The following TMEM156 variants were observed in gnomAD, a reference collection of about 807,000 sequenced individuals.
TMEM156 encodes the protein transmembrane protein 156.
A neutral mutation model predicts 30.5 loss-of-function variants in TMEM156; 28 were observed. That is an observed-to-expected ratio of 0.92 (90% CI 0.68 to 1.26). The LOEUF is 1.26. Ranked by LOEUF, TMEM156 falls within the 50% of genes most tolerant of loss-of-function variation. The pLI is 0.00. For missense variants in TMEM156, 351 were observed against 340.6 expected, an observed-to-expected ratio of 1.03 and a Z score of -0.24; for synonymous variants, 137 against 119.9, an observed-to-expected ratio of 1.14 and a Z score of -0.93.
At chr4:38,973,132 T>A (rs1174968675) in intron 5 of TMEM156, among the ~76,000 whole-genome samples, 1 of 152,208 alleles carries the variant, frequency 6.6e-6, no homozygotes, top group Non-Finnish European at 1.5e-5. Context: ...AAACGATTAT[T>A]CAGTCATCCC....
At chr4:38,989,295 C>A (rs1033657423) in intron 3 of TMEM156, among the ~76,000 whole-genome samples, 2 of 152,152 alleles carry the variant, frequency 1.3e-5, no homozygotes, top group African/African-American at 2.4e-5. Flanking sequence ...ATAGCAATCC[C>A]AGAATCAGAA....
intron 3 of TMEM156, among the ~76,000 whole-genome samples, chr4:38,992,676 A>T (rs4974977): frequency 1.3e-3 from 66 of 49,704 alleles, no homozygotes; most frequent in African/African-American, 3.8e-3. Context: ...ATATATATAT[A>T]ATATATTATA....
In TMEM156 at chr4:38,988,973, G is replaced by A; in HGVS notation, c.620-3C>T. ...GATCTTCATGGAACAAGTGATATCTGTAAAGAAAACAAATACTGTAAAAAC... is the reference window on the plus strand; with the variant it reads ...GATCTTCATGGAACAAGTGATATCTATAAAGAAAACAAATACTGTAAAAAC... On this transcript the variant is annotated splice_polypyrimidine_tract_variant and splice_region_variant and intron_variant, in intron 3 of 6. Coordinates refer to ENST00000381938, the MANE Select transcript of TMEM156 (RefSeq NM_024943.3). 6.2e-7 allele frequency: 1 copy of A among 1,608,096 alleles called. No individual in the cohort carries two copies. The highest frequency in any genetic ancestry group is 8.5e-7 in the Non-Finnish European group (1 of 1,176,838).
chr4:38,996,847 G>A lies in TMEM156; in HGVS notation c.358+1793C>T, dbSNP rs957411187. Among the ~76,000 whole-genome samples the A allele has an allele frequency of 5.9e-5, 9 of 152,074 alleles. 1 individual carries two copies. ...CACAACAGCCAAGAATAGAAACAACGTCAATGTCCATTGATAAATGAGTAG... is the reference window on the plus strand; with the variant it reads ...CACAACAGCCAAGAATAGAAACAACATCAATGTCCATTGATAAATGAGTAG... On this transcript the variant is annotated intron_variant, in intron 2 of 6. Coordinates refer to ENST00000381938, the MANE Select transcript of TMEM156 (RefSeq NM_024943.3).
chr4:39,028,776 T>A lies in TMEM156; in HGVS notation c.88+3450A>T, dbSNP rs369187633. ...GAATCAAAATATATCCACCACTCCC[T>A]TTTGTATCTCCATTATCTACATGTA... is the stretch of plus-strand genomic sequence containing the variant. On this transcript the variant is annotated intron_variant, in intron 1 of 6. Transcript: ENST00000381938. Among the ~76,000 whole-genome samples, 5 of 152,336 alleles carry A rather than the reference T, an allele frequency of 3.3e-5. No homozygotes were observed. In the South Asian group the frequency reaches 1.0e-3, roughly 32 times the overall value.
chr4:39,002,248 G>T (rs1419135455), intron 1 of TMEM156, among the ~76,000 whole-genome samples: 9 of 151,950 alleles, frequency 5.9e-5, no homozygotes, highest in Non-Finnish European at 8.8e-5. Flanking sequence ...CTTCTCAAAA[G>T]AAGACATTTA....
intron 1 of TMEM156, among the ~76,000 whole-genome samples, chr4:39,004,870 C>T (rs1347586764): frequency 6.6e-6 from 1 of 152,088 alleles, no homozygotes; most frequent in African/African-American, 2.4e-5. Flanking sequence ...AAAAATTCCA[C>T]TCCTAGAAAT....
At chr4:39,024,774 C>T (rs1715093004) in intron 1 of TMEM156, among the ~76,000 whole-genome samples, 1 of 152,160 alleles carries the variant, frequency 6.6e-6, no homozygotes, top group Admixed American at 6.5e-5. Context: ...CAGTGACATG[C>T]ATTTACCTAT....
chr4:38,998,000 A>G (rs753479638), intron 2 of TMEM156, among the ~76,000 whole-genome samples: 1 of 152,220 alleles, frequency 6.6e-6, no homozygotes, highest in Non-Finnish European at 1.5e-5. Context: ...TCAAAGTTTG[A>G]TTTTACTATA....
At chr4:39,010,919 T>TTATTAA (rs1714069762) in intron 1 of TMEM156, among the ~76,000 whole-genome samples, 1 of 152,076 alleles carries the variant, frequency 6.6e-6, no homozygotes, top group South Asian at 2.1e-4. Flanking sequence ...AATTGGAACA[T>TTATTAA]TATTAAACTA....
At chr4:39,031,144 T>A (rs1715480690) in intron 1 of TMEM156, among the ~76,000 whole-genome samples, 1 of 152,228 alleles carries the variant, frequency 6.6e-6, no homozygotes, top group Admixed American at 6.5e-5. Context: ...CTGATTTTAA[T>A]CAAATTCATA....
At chr4:39,003,570 G>A (rs1480951306) in intron 1 of TMEM156, among the ~76,000 whole-genome samples, 1 of 151,938 alleles carries the variant, frequency 6.6e-6, no homozygotes, top group Non-Finnish European at 1.5e-5. Context: ...CCGACCTCAG[G>A]TGATCCGCCC....
chr4:39,007,815 TA>T, intron 1 of TMEM156, among the ~76,000 whole-genome samples: 1 of 152,262 alleles, frequency 6.6e-6, no homozygotes, highest in East Asian at 1.9e-4. Flanking sequence ...ATAAGTTTTC[TA>T]AATTTTCTCC....
chr4:39,020,571 G>T (rs1327834625), intron 1 of TMEM156, among the ~76,000 whole-genome samples: 1 of 151,294 alleles, frequency 6.6e-6, no homozygotes, highest in African/African-American at 2.4e-5. Flanking sequence ...TATTTTTTTT[G>T]AGATGGAGTC....
At chr4:39,002,672 G>A (rs1382088612) in intron 1 of TMEM156, among the ~76,000 whole-genome samples, 2 of 149,668 alleles carry the variant, frequency 1.3e-5, no homozygotes, top group East Asian at 4.0e-4. Flanking sequence ...AAGAAAATGT[G>A]GCACATATAC....
intron 5 of TMEM156, among the ~76,000 whole-genome samples, chr4:38,973,617 C>T (rs1284552713): frequency 6.6e-6 from 1 of 152,122 alleles, no homozygotes; most frequent in Non-Finnish European, 1.5e-5. Flanking sequence ...TCCAGGTACA[C>T]AATTGTATCA....
rs1398972502 is a variant in TMEM156 at position 38,984,368 on chromosome 4, T to TGC, written c.823+1967_823+1968insGC. On this transcript the variant is annotated intron_variant, in intron 5 of 6. Coordinates refer to ENST00000381938, the MANE Select transcript of TMEM156 (RefSeq NM_024943.3). ...CTCTCTCTGTGTGTGTGTGTGTGTG[T>TGC]GTGTGTGTGTGTGTGTTGAACAATA... 5.6e-4 allele frequency among the ~76,000 whole-genome samples: 85 copies of TGC among 151,882 alleles called. 2 individuals are homozygous for TGC. The highest frequency in any genetic ancestry group is 3.4e-3 in the Middle Eastern group (1 of 294).
intron 3 of TMEM156, among the ~76,000 whole-genome samples, chr4:38,993,292 G>C (rs566206442): frequency 6.6e-6 from 1 of 151,948 alleles, no homozygotes. Context: ...TTAACCAGGT[G>C]TGGTGGTGCA....
intron 1 of TMEM156, 93 bp from the exon 2 acceptor site, chr4:38,999,002 G>A: frequency 1.8e-6 from 2 of 1,094,412 alleles, no homozygotes; most frequent in Non-Finnish European, 2.6e-6. Flanking sequence ...GTTTTTCTTA[G>A]GTGGATTCAG....
Sources: gnomAD v4.1 joint callset for allele counts (sites outside exome capture counted in the v4.1 genomes callset) on GRCh38, gnomAD v4.1.1 for gene constraint, MANE v1.5 for transcripts, NCBI Gene and HGNC (gene_info 2026-07-23, HGNC 2026-07-21) for gene names.